MEIKIN: variants seen among roughly 807,000 people sequenced by gnomAD.
The protein encoded by MEIKIN is meiosis-specific kinetochore protein.
At chr5:131,915,778 T>G (rs1751406644) in intron 7 of MEIKIN, among the ~76,000 whole-genome samples, 1 of 152,146 alleles carries the variant, frequency 6.6e-6, no homozygotes, top group African/African-American at 2.4e-5. Flanking sequence ...GATGAGGGTT[T>G]AAGAGAAGTT....
intron 11 of MEIKIN, among the ~76,000 whole-genome samples, chr5:131,832,443 G>T (rs1749730859): frequency 6.6e-6 from 1 of 152,162 alleles, no homozygotes. Context: ...TGCTTTCATG[G>T]GCTGGTGTTG....
At chr5:131,847,722 T>C (rs1328884093) in intron 11 of MEIKIN, among the ~76,000 whole-genome samples, 1 of 151,980 alleles carries the variant, frequency 6.6e-6, no homozygotes, top group Non-Finnish European at 1.5e-5. Context: ...ACAGCATATA[T>C]ATTCTTCTCA....
At chr5:131,920,983 T>TGCTGGGATTA (rs1471395583) in intron 6 of MEIKIN, among the ~76,000 whole-genome samples, 1 of 152,038 alleles carries the variant, frequency 6.6e-6, no homozygotes. Flanking sequence ...ATTACAGGTG[T>TGCTGGGATTA]CAGCCACTGC....
chr5:131,871,567 G>A (rs1750499898), intron 9 of MEIKIN, among the ~76,000 whole-genome samples: 1 of 152,308 alleles, frequency 6.6e-6, no homozygotes, highest in South Asian at 2.1e-4. Flanking sequence ...CTCCACCTCT[G>A]GGGACAGGGC....
At chr5:131,817,508 C>T (rs1197796004) in intron 12 of MEIKIN, among the ~76,000 whole-genome samples, 4 of 151,170 alleles carry the variant, frequency 2.6e-5, no homozygotes, top group Non-Finnish European at 4.4e-5. Context: ...CCCAGCTACT[C>T]GGGAGGCTGA....
At chr5:131,922,030 C>T (rs1751513976) in intron 5 of MEIKIN, 89 bp from the exon 6 acceptor site, 2 of 395,830 alleles carry the variant, frequency 5.1e-6, no homozygotes, top group Non-Finnish European at 8.9e-6. Context: ...GGCCCCCAGC[C>T]CATACTAAAT....
intron 8 of MEIKIN, among the ~76,000 whole-genome samples, chr5:131,884,425 C>T (rs1750742991): frequency 1.3e-5 from 2 of 151,968 alleles, no homozygotes; most frequent in Non-Finnish European, 1.5e-5. Context: ...CTAGACACAC[C>T]CTGGGCCAGA....
intron 9 of MEIKIN, among the ~76,000 whole-genome samples, chr5:131,860,830 T>G (rs1286548161): frequency 4.1e-5 from 6 of 145,974 alleles, no homozygotes; most frequent in Non-Finnish European, 7.5e-5. Flanking sequence ...GGCACAATCT[T>G]GGCTCACTGC....
intron 9 of MEIKIN, among the ~76,000 whole-genome samples, chr5:131,863,475 T>C (rs990751009): frequency 2.0e-5 from 3 of 151,824 alleles, no homozygotes; most frequent in Non-Finnish European, 4.4e-5. Flanking sequence ...GAGTGCAGCA[T>C]TGTTGGGTGC....
intron 11 of MEIKIN, among the ~76,000 whole-genome samples, chr5:131,820,833 T>C (rs1488468920): frequency 6.6e-6 from 1 of 152,210 alleles, no homozygotes; most frequent in Non-Finnish European, 1.5e-5. Flanking sequence ...AATGATCCTT[T>C]GAATTTCTGT....
At chr5:131,816,557 CATAACTGTATAAGTCA>C (rs1773104823) in intron 12 of MEIKIN, among the ~76,000 whole-genome samples, 1 of 152,222 alleles carries the variant, frequency 6.6e-6, no homozygotes, top group Admixed American at 6.5e-5. Flanking sequence ...TCTACAGCTC[CATAACTGTATAAGTCA>C]ATTCCTTGTT....
chr5:131,907,259 C>T (rs538075699), intron 8 of MEIKIN, among the ~76,000 whole-genome samples: 7 of 151,658 alleles, frequency 4.6e-5, no homozygotes, highest in African/African-American at 1.5e-4. Flanking sequence ...AATAAACAAC[C>T]TAACAATGCA....
At chr5:131,841,754 A>G (rs1749918172) in intron 11 of MEIKIN, among the ~76,000 whole-genome samples, 1 of 152,048 alleles carries the variant, frequency 6.6e-6, no homozygotes. Flanking sequence ...TGTGCCTTCA[A>G]TTTCTTTCAT....
intron 8 of MEIKIN, among the ~76,000 whole-genome samples, chr5:131,897,390 C>T (rs11957182): frequency 0.017 from 2,575 of 152,260 alleles, 85 homozygotes; most frequent in African/African-American, 0.058. Context: ...CGAGGAGTAT[C>T]TTTGTGGTGT....
intron 7 of MEIKIN, among the ~76,000 whole-genome samples, chr5:131,915,707 T>G (rs1263322993): frequency 6.6e-6 from 1 of 152,060 alleles, no homozygotes; most frequent in African/African-American, 2.4e-5. Context: ...TAACCAGAAG[T>G]AAATGGATGA....
intron 9 of MEIKIN, among the ~76,000 whole-genome samples, chr5:131,871,503 C>T (rs183167136): frequency 1.1e-3 from 172 of 152,360 alleles, no homozygotes; most frequent in African/African-American, 4.1e-3. Context: ...GGCTGGGAAG[C>T]TCGAACTGGG....
chr5:131,867,962 CTG>C (rs1283972293), intron 9 of MEIKIN, among the ~76,000 whole-genome samples: 3 of 152,214 alleles, frequency 2.0e-5, no homozygotes, highest in Non-Finnish European at 2.9e-5. Context: ...TCCAAAGTGA[CTG>C]TATCATTTTG....
chr5:131,905,014 T>C (rs1450181874), intron 8 of MEIKIN, among the ~76,000 whole-genome samples: 1 of 152,000 alleles, frequency 6.6e-6, no homozygotes, highest in African/African-American at 2.4e-5. Flanking sequence ...AGGAATAGCA[T>C]TAGGAGACAT....
chr5:131,850,154 C>A (rs563151505), intron 11 of MEIKIN, among the ~76,000 whole-genome samples: 2 of 151,694 alleles, frequency 1.3e-5, no homozygotes, highest in South Asian at 4.1e-4. Flanking sequence ...ACAATAAAAA[C>A]TATAAAACAT....
Sources: allele counts gnomAD v4.1 joint callset (sites outside exome capture counted in the v4.1 genomes callset), GRCh38; gene constraint gnomAD v4.1.1; transcripts MANE v1.5; gene names NCBI Gene and HGNC (gene_info 2026-07-23, HGNC 2026-07-21).